The following ITGA2B variants were observed in gnomAD, a reference collection of about 807,000 sequenced individuals.
The protein encoded by ITGA2B is integrin alpha-IIb.
A neutral mutation model predicts 142.0 loss-of-function variants in ITGA2B; 91 were observed. The ratio of observed to expected loss-of-function variants is 0.64; its 90% CI spans 0.54 to 0.76. The LOEUF is 0.76. ITGA2B is among the 30% of genes least tolerant of loss of function. The pLI is 0.00. For missense variants in ITGA2B, 1,231 were observed against 1,350.8 expected (o/e 0.91, Z 1.39); for synonymous variants, 536 against 567.2 (o/e 0.94, Z 0.78).
chr17:44,387,682 G>A (rs539201310), intron 1 of ITGA2B, among the ~76,000 whole-genome samples: 171 of 151,674 alleles, frequency 1.1e-3, no homozygotes, highest in African/African-American at 3.9e-3. Context: ...AAAATTAGCC[G>A]GGTGTGGTGG....
In ITGA2B at chr17:44,385,086, G is replaced by C. The variant is rs75530944; in HGVS notation, c.671-10C>G. ...GCCTGGGCCAGGAGACCTAGGGCGG[G>C]AGGGACAGCGGGTGTGAAGCCCAAA... is the stretch of plus-strand genomic sequence containing the variant. On this transcript the variant is annotated splice_polypyrimidine_tract_variant and intron_variant, in intron 6 of 29. Transcript: ENST00000262407. 12 of 1,614,168 alleles carry C rather than the reference G, an allele frequency of 7.4e-6. No individual in the cohort carries two copies. The highest frequency in any genetic ancestry group is 4.4e-5 in the South Asian group (4 of 91,090).
intron 17 of ITGA2B, 93 bp from the exon 18 acceptor site, chr17:44,379,907 T>G: frequency 1.2e-6 from 2 of 1,612,402 alleles, no homozygotes; most frequent in Non-Finnish European, 1.7e-6. Context: ...ACCCCCGGAC[T>G]CACAGCACCC....
In ITGA2B at chr17:44,374,351, C is replaced by T; in HGVS notation, c.3060+3G>A. ...GGGGACTCCACCGTCCTTCACACCT[C>T]ACCTTCCACATGGCCAGGACCAGGA... On this transcript the variant is annotated splice_donor_region_variant and intron_variant, in intron 29 of 29. Transcript: ENST00000262407. 6.2e-7 allele frequency: 1 copy of T among 1,613,712 alleles called. No homozygotes were observed. Among genetic ancestry groups the T allele is most frequent in the Non-Finnish European group, 8.5e-7 (1 of 1,179,638 alleles).
chr17:44,385,216 G>T lies in ITGA2B; in HGVS notation c.625-7C>A. ...CAAGCACCAGCTCTCCGGCCTGGAAGGGAAGTCCTGAGGGTGAGAGGGGGC... is the reference window on the plus strand; with the variant it reads ...CAAGCACCAGCTCTCCGGCCTGGAATGGAAGTCCTGAGGGTGAGAGGGGGC... On this transcript the variant is annotated splice_polypyrimidine_tract_variant and splice_region_variant and intron_variant, in intron 5 of 29. Coordinates refer to ENST00000262407, the MANE Select transcript of ITGA2B (RefSeq NM_000419.5). 1 of 1,614,018 alleles carries T rather than the reference G, an allele frequency of 6.2e-7. No homozygotes were observed. The highest frequency in any genetic ancestry group is 1.3e-5 in the African/African-American group (1 of 75,050).
intron 7 of ITGA2B, 110 bp from the exon 8 acceptor site, chr17:44,384,695 G>T (rs2048628175): frequency 2.1e-6 from 3 of 1,405,248 alleles, no homozygotes; most frequent in African/African-American, 2.8e-5. Flanking sequence ...GCATTGTGCA[G>T]ATGGAAAAAC....
chr17:44,375,968 A>G lies in ITGA2B; in HGVS notation c.2466T>C (p.Pro822=). Residue 822 remains proline, a synonymous_variant, in exon 25 of 30, where the codon CCT becomes CCC. Transcript: ENST00000262407. ...TGAGGTGAAGACCATTCACAGTCCC[A>G]GGGCCATTGTTGTGGAGCTGAAGGG... ...EHTYELHNNG[P]GTVNGLHLSI... 6.2e-7 allele frequency: 1 copy of G among 1,614,106 alleles called. No individual in the cohort carries two copies. The highest frequency in any genetic ancestry group is 8.5e-7 in the Non-Finnish European group (1 of 1,180,000).
At chr17:44,382,586 C>T (rs1181818968) in intron 12 of ITGA2B, among the ~76,000 whole-genome samples, 1 of 151,986 alleles carries the variant, frequency 6.6e-6, no homozygotes. Flanking sequence ...AAGCTCAGCT[C>T]AGTGCAACCT....
In ITGA2B at chr17:44,374,760, T is replaced by G. The variant is rs1417847492; in HGVS notation, c.2842A>C (p.Arg948=). The change falls in exon 28 of 30, where the codon AGG becomes CGG. Residue 948 remains arginine (R), a splice_region_variant and synonymous_variant. Transcript: ENST00000262407. ...AFLWLPSLYQ[R]PLDQFVLQSH... is the part of the protein sequence containing the mutation. The stretch of plus-strand genomic sequence containing the variant: ...TGCAGCACAAACTGATCCAGAGGCC[T>G]CTGGACAGGTTGGGGTTGAAAGCCG... 1 of 1,613,624 alleles carries G rather than the reference T, an allele frequency of 6.2e-7. No homozygotes were observed. The highest frequency in any genetic ancestry group is 1.7e-5 in the Admixed American group (1 of 60,014).
At chr17:44,384,614 T>C (rs2048627517) in intron 7 of ITGA2B, 29 bp from the exon 8 acceptor site, 4 of 1,613,306 alleles carry the variant, frequency 2.5e-6, no homozygotes, top group African/African-American at 1.3e-5. Flanking sequence ...ATTAGTCTTT[T>C]CCAGGGGAGG....
At chr17:44,381,410 A>G (rs1471803435) in intron 12 of ITGA2B, among the ~76,000 whole-genome samples, 1 of 151,154 alleles carries the variant, frequency 6.6e-6, no homozygotes, top group Non-Finnish European at 1.5e-5. Context: ...GCTCACTGCA[A>G]CCTCTGCCTC....
intron 18 of ITGA2B, among the ~76,000 whole-genome samples, chr17:44,379,418 T>G (rs2048574181): frequency 6.6e-6 from 1 of 151,692 alleles, no homozygotes; most frequent in African/African-American, 2.4e-5. Context: ...ACCCGGCTAA[T>G]TTTTTTTGTA....
At chr17:44,387,695 C>T (rs903758685) in intron 1 of ITGA2B, among the ~76,000 whole-genome samples, 13 of 149,208 alleles carry the variant, frequency 8.7e-5, no homozygotes, top group African/African-American at 3.2e-4. Context: ...TGTGGTGGCA[C>T]ATGCCTGTAA....
chr17:44,385,151 G>T lies in ITGA2B; in HGVS notation c.670+13C>A. 6.2e-7 allele frequency: 1 copy of T among 1,614,090 alleles called. No individual in the cohort carries two copies. The highest frequency in any genetic ancestry group is 8.5e-7 in the Non-Finnish European group (1 of 1,180,036). On this transcript the variant is annotated intron_variant, in intron 6 of 29. Transcript: ENST00000262407. ...CCGCGAGAAGGGAGGGAGGTGTACG[G>T]ATGGGCACGTACCTAAGAAATAATA...
rs953551820 is a variant in ITGA2B at position 44,385,500 on chromosome 17, C to T, written c.574+51G>A. The T allele has an allele frequency of 7.6e-6, 11 of 1,444,426 alleles. No homozygotes were observed. In the South Asian group the frequency reaches 1.2e-4, roughly 16 times the overall value. The allele number at this position is 1,444,426 out of a possible 1,614,324, so 89.5% of individuals were successfully genotyped here. ...CGCTGGGGGCGGGATCCGATGGGGGCGGGGCCAAGCCGTCGCGAGTGGGCG... is the reference window on the plus strand; with the variant it reads ...CGCTGGGGGCGGGATCCGATGGGGGTGGGGCCAAGCCGTCGCGAGTGGGCG... On this transcript the variant is annotated intron_variant, in intron 4 of 29. Coordinates refer to ENST00000262407, the MANE Select transcript of ITGA2B (RefSeq NM_000419.5).
chr17:44,374,601 T>C (rs2048522723), intron 28 of ITGA2B, 58 bp downstream of exon 28: 11 of 1,556,916 alleles, frequency 7.1e-6, no homozygotes, highest in Admixed American at 1.7e-5. Flanking sequence ...GGCTGGGCAC[T>C]GACTGGGGGA....
intron 26 of ITGA2B, chr17:44,375,321 C>T (rs944396673): frequency 3.1e-6 from 2 of 644,052 alleles, no homozygotes; most frequent in African/African-American, 3.6e-5. Context: ...GGGTCATCCC[C>T]CAGCGCACAA....
rs556258679 is a variant in ITGA2B at position 44,376,155 on chromosome 17, G to A, written c.2378C>T (p.Ala793Val). 3 of 1,614,150 alleles carry A rather than the reference G, an allele frequency of 1.9e-6. No homozygotes were observed. Among genetic ancestry groups the A allele is most frequent in the South Asian group, 1.1e-5 (1 of 91,086 alleles). ...CTGCTCCCTCTCACCTTCTTCTGCT[G>A]CCACCACCAGGGAGGCTGGAAAGGA... ...GNSFPASLVV[A>V]AEEGEREQNS... Residue 793 changes from alanine (A) to valine (V), a missense_variant, in exon 24 of 30, where the codon GCA becomes GTA. This residue lies in a region of ITGA2B where 908 missense variants were observed against 1,021.1 expected (regional missense o/e 0.89). Transcript: ENST00000262407.
At position 44,378,436 on chromosome 17, in the gene ITGA2B, C is replaced by A; in HGVS notation, c.2020G>T (p.Gly674Trp). 1 of 1,613,460 alleles carries A rather than the reference C, an allele frequency of 6.2e-7. No individual in the cohort carries two copies. Among genetic ancestry groups the A allele is most frequent in the South Asian group, 1.1e-5 (1 of 90,784 alleles). Residue 674 changes from glycine to tryptophan, a missense_variant, in exon 20 of 30, where the codon GGG becomes TGG. This residue lies in a region of ITGA2B where 908 missense variants were observed against 1,021.1 expected (regional missense o/e 0.89). Coordinates refer to ENST00000262407, the MANE Select transcript of ITGA2B (RefSeq NM_000419.5). ...ACGGCCAGCTCTGCTTCATAGGCCC[C>A]CTCGCCCTCGTTGGCTGCGTCCATC... is the stretch of plus-strand genomic sequence containing the variant. ...LQMDAANEGE[G>W]AYEAELAVHL...
chr17:44,373,936 C>T (rs182078726), intron 29 of ITGA2B: 76 of 208,226 alleles, frequency 3.6e-4, no homozygotes, highest in African/African-American at 1.7e-3. Context: ...GATGGAGGCT[C>T]GCTCTGTTGC....
Sources: gnomAD v4.1 joint callset for allele counts (sites outside exome capture counted in the v4.1 genomes callset) on GRCh38, gnomAD v4.1.1 for gene constraint, gnomAD v4.1.1 regional missense constraint, MANE v1.5 for transcripts, NCBI Gene and HGNC (gene_info 2026-07-23, HGNC 2026-07-21) for gene names.